USP47: variants seen among roughly 807,000 people sequenced by gnomAD.
USP47 encodes ubiquitin carboxyl-terminal hydrolase 47.
A neutral mutation model predicts 165.1 loss-of-function variants in USP47; 35 were observed. The ratio of observed to expected loss-of-function variants is 0.21; its 90% confidence interval spans 0.16 to 0.28. The LOEUF is 0.28. Among genes scored for constraint, USP47 ranks in the 10% least tolerant of loss-of-function variants. The pLI is 1.00. For synonymous variants in USP47, 531 were observed against 544.5 expected, an observed-to-expected ratio of 0.98 and a Z score of 0.35; for missense variants, 1,277 against 1,607.4, an observed-to-expected ratio of 0.79 and a Z score of 3.52.
At chr11:11,892,362 T>A (rs1260350111) in intron 4 of USP47, among the ~76,000 whole-genome samples, 1 of 146,872 alleles carries the variant, frequency 6.8e-6, no homozygotes. Flanking sequence ...GGAAGACTTT[T>A]CTTTTCTTTT....
At chr11:11,936,701 G>A (rs1222101074) in intron 17 of USP47, among the ~76,000 whole-genome samples, 191 bp downstream of exon 17, 2 of 151,840 alleles carry the variant, frequency 1.3e-5, no homozygotes, top group African/African-American at 4.8e-5. Flanking sequence ...AAAGAGTTGT[G>A]TACATAATTT....
chr11:11,845,458 A>G (rs1411171837), intron 1 of USP47, among the ~76,000 whole-genome samples: 1 of 152,136 alleles, frequency 6.6e-6, no homozygotes, highest in African/African-American at 2.4e-5. Flanking sequence ...TTATATAGGA[A>G]TAGAATTCAT....
chr11:11,940,071 T>C (rs1855356954), intron 18 of USP47, among the ~76,000 whole-genome samples: 1 of 151,980 alleles, frequency 6.6e-6, no homozygotes, highest in Non-Finnish European at 1.5e-5. Context: ...AGCCAAGAAG[T>C]TCAACATTTT....
intron 1 of USP47, among the ~76,000 whole-genome samples, chr11:11,857,520 G>A (rs900193190): frequency 6.6e-6 from 1 of 152,138 alleles, no homozygotes; most frequent in Non-Finnish European, 1.5e-5. Context: ...AAAAGTAGAC[G>A]TGACACAAAA....
intron 20 of USP47, among the ~76,000 whole-genome samples, chr11:11,945,339 A>G (rs577531730): frequency 2.6e-5 from 4 of 152,342 alleles, no homozygotes; most frequent in Admixed American, 6.5e-5. Flanking sequence ...TCAGAGTGAT[A>G]AAATGGCAAG....
chr11:11,944,088 A>C (rs1283195756), intron 20 of USP47, among the ~76,000 whole-genome samples: 1 of 151,112 alleles, frequency 6.6e-6, no homozygotes, highest in African/African-American at 2.4e-5. Context: ...GAAGGCATCT[A>C]ATTGTTCCTT....
chr11:11,875,162 A>G (rs1850329955), intron 1 of USP47, among the ~76,000 whole-genome samples: 2 of 152,074 alleles, frequency 1.3e-5, no homozygotes, highest in Non-Finnish European at 2.9e-5. Flanking sequence ...GGTTAAATTT[A>G]GAGGTAAAGC....
At chr11:11,931,492 A>G (rs1271223074) in intron 14 of USP47, among the ~76,000 whole-genome samples, 1 of 152,176 alleles carries the variant, frequency 6.6e-6, no homozygotes, top group African/African-American at 2.4e-5. Flanking sequence ...ACTGTATTAT[A>G]AAGAAACTAC....
At chr11:11,911,240 A>T (rs1852958116) in intron 8 of USP47, among the ~76,000 whole-genome samples, 1 of 152,218 alleles carries the variant, frequency 6.6e-6, no homozygotes, top group African/African-American at 2.4e-5. Flanking sequence ...GGACTATAAC[A>T]AAAGGTTTAG....
In USP47 at chr11:11,846,325, A is replaced by G. The variant is rs78663601; in HGVS notation, c.39+4101A>G. On this transcript the variant is annotated intron_variant, in intron 1 of 27. Transcript: ENST00000527733. ...ATATTACTGTATTCTGCCAAATAGG[A>G]AAAACTTAGAATAGAAAAATTTGTT... Among the ~76,000 whole-genome samples, 540 of 152,256 alleles carry G rather than the reference A, an allele frequency of 3.5e-3. 2 individuals are homozygous for G. The highest frequency in any genetic ancestry group is 0.011 in the African/African-American group (457 of 41,556).
intron 18 of USP47, among the ~76,000 whole-genome samples, chr11:11,939,423 A>G (rs1299923567): frequency 6.6e-6 from 1 of 152,010 alleles, no homozygotes; most frequent in African/African-American, 2.4e-5. Context: ...GCTCTGAGGA[A>G]AAAAATTGTA....
intron 4 of USP47, among the ~76,000 whole-genome samples, chr11:11,895,576 A>G (rs141704301): frequency 6.4e-4 from 97 of 152,294 alleles, no homozygotes; most frequent in Middle Eastern, 3.4e-3. Flanking sequence ...CAGTAAAGCA[A>G]TGGGTTTGGG....
chr11:11,889,773 G>A (rs1227622000), intron 3 of USP47, among the ~76,000 whole-genome samples: 1 of 152,116 alleles, frequency 6.6e-6, no homozygotes, highest in African/African-American at 2.4e-5. Flanking sequence ...AAAGAACGAA[G>A]CTGAAGGCAT....
intron 1 of USP47, among the ~76,000 whole-genome samples, chr11:11,859,395 T>C (rs528479104): frequency 6.6e-6 from 1 of 152,230 alleles, no homozygotes; most frequent in East Asian, 1.9e-4. Context: ...AAAACTCAAG[T>C]GGTTTGACTT....
At chr11:11,854,130 G>A (rs1241639894) in intron 1 of USP47, among the ~76,000 whole-genome samples, 1 of 121,908 alleles carries the variant, frequency 8.2e-6, no homozygotes, top group African/African-American at 3.1e-5. Context: ...GCGAGACTCC[G>A]TCTCAAAAAA....
intron 2 of USP47, among the ~76,000 whole-genome samples, chr11:11,881,700 C>T (rs1850842896): frequency 6.6e-6 from 1 of 152,016 alleles, no homozygotes; most frequent in African/African-American, 2.4e-5. Flanking sequence ...TTGACCTAAT[C>T]TTGTATTAAT....
chr11:11,842,117 T>G lies in USP47; in HGVS notation c.-69T>G. 130 of 1,532,948 alleles carry G rather than the reference T, an allele frequency of 8.5e-5. No individual in the cohort carries two copies. The highest frequency in any genetic ancestry group is 9.9e-5 in the Non-Finnish European group (112 of 1,133,052). The allele number at this position is 1,532,948 out of a possible 1,614,324, so 95.0% of individuals were successfully genotyped here. On this transcript the variant is annotated 5_prime_UTR_variant, in exon 1 of 28. It removes the in-frame stop codon of an upstream open reading frame in the 5' UTR. Coordinates refer to ENST00000527733, the MANE Select transcript of USP47 (RefSeq NM_001282659.2). ...GATGACTGCCGCTGCCATTCTCTCT[T>G]GAGCTAGCGAGCCGCCGCCACCCTC...
At position 11,940,556 on chromosome 11, in the gene USP47, ATTTAC is replaced by A. The variant is rs1365430864; in HGVS notation, c.2313+12_2313+16del. On this transcript the variant is annotated intron_variant, in intron 19 of 27. Coordinates refer to ENST00000527733, the MANE Select transcript of USP47 (RefSeq NM_001282659.2). ...TTTTTTAGAAGTAACAAGGTATGTC[ATTTAC>A]TTTTTCATTACTATTTTCTATGCTG... is the stretch of plus-strand genomic sequence containing the variant. The A allele has an allele frequency of 6.2e-7, 1 of 1,609,940 alleles. No homozygotes were observed. Among genetic ancestry groups the A allele is most frequent in the Non-Finnish European group, 8.5e-7 (1 of 1,177,654 alleles).
chr11:11,863,103 T>C (rs1432477351), intron 1 of USP47, among the ~76,000 whole-genome samples: 1 of 152,232 alleles, frequency 6.6e-6, no homozygotes, highest in East Asian at 1.9e-4. Flanking sequence ...TAGTATAGTT[T>C]GCATTATTTT....
Sources: gnomAD v4.1 joint callset for allele counts (sites outside exome capture counted in the v4.1 genomes callset) on GRCh38, gnomAD v4.1.1 for gene constraint, MANE v1.5 for transcripts, NCBI Gene and HGNC (gene_info 2026-07-23, HGNC 2026-07-21) for gene names.